Variants in KCNMB4 observed in about 807,000 individuals in gnomAD.
The protein encoded by KCNMB4 is calcium-activated potassium channel subunit beta-4.
Under a neutral mutation model 20.7 loss-of-function variants are expected in KCNMB4, and 3 were observed. The ratio of observed to expected loss-of-function variants is 0.14; its 90% CI spans 0.07 to 0.37. The LOEUF (loss-of-function observed/expected upper bound fraction) is 0.37. Ranked by LOEUF, KCNMB4 falls within the 10% of genes least tolerant of loss-of-function variation. The pLI is 1.00. For missense variants in KCNMB4, 168 were observed against 265.9 expected (o/e 0.63, Z 2.56); for synonymous variants, 110 against 113.4 (o/e 0.97, Z 0.19).
chr12:70,369,458 C>A (rs1883552414), intron 1 of KCNMB4, among the ~76,000 whole-genome samples: 1 of 152,166 alleles, frequency 6.6e-6, no homozygotes, highest in Admixed American at 6.5e-5. Context: ...CCTTACTTTA[C>A]CTCTTTATTG....
At chr12:70,430,356 T>G in intron 2 of KCNMB4, 129 bp from the exon 3 acceptor site, 1 of 950,678 alleles carries the variant, frequency 1.1e-6, no homozygotes, top group African/African-American at 1.7e-5. Context: ...ATACAGTGTT[T>G]ATAGTCAGAG....
At chr12:70,425,978 A>C (rs973890716) in intron 2 of KCNMB4, among the ~76,000 whole-genome samples, 1 of 152,260 alleles carries the variant, frequency 6.6e-6, no homozygotes, top group East Asian at 1.9e-4. Context: ...ATCTCTACAC[A>C]AAAATATGTA....
intron 2 of KCNMB4, among the ~76,000 whole-genome samples, chr12:70,425,501 T>C (rs1869188792): frequency 6.6e-6 from 1 of 152,172 alleles, no homozygotes; most frequent in Non-Finnish European, 1.5e-5. Flanking sequence ...AGATTACATA[T>C]CGTGGTCAGT....
Position 70,432,181 on chromosome 12 carries a change from C to G in KCNMB4, c.*1528C>G, listed in dbSNP as rs1312955255. 6.6e-6 allele frequency: 1 copy of G among 152,402 alleles called. No homozygotes were observed. 9.4% of individuals were successfully genotyped at this position (152,402 alleles called of 1,614,324 possible). A position where few individuals can be genotyped will look rare whatever the true frequency, so the allele number is the denominator to read the frequency against. ...AGTAGCTGGGACTACAGGCACGCAC[C>G]ACCACGCCTGGCTAATTTTTTTGTA... On this transcript the variant is annotated 3_prime_UTR_variant, in exon 3 of 3. Transcript: ENST00000258111.
intron 1 of KCNMB4, among the ~76,000 whole-genome samples, chr12:70,385,855 C>A (rs1294220209): frequency 6.6e-6 from 1 of 152,054 alleles, no homozygotes; most frequent in East Asian, 1.9e-4. Flanking sequence ...AAAAATAGAC[C>A]AATTACCATA....
At chr12:70,399,013 A>G (rs1868388883) in intron 1 of KCNMB4, among the ~76,000 whole-genome samples, 1 of 152,188 alleles carries the variant, frequency 6.6e-6, no homozygotes, top group Admixed American at 6.5e-5. Context: ...AAGGAGAGAG[A>G]ACAGCCTGTG....
At position 70,430,695 on chromosome 12, in the gene KCNMB4, C is replaced by G. The variant is rs749656064; in HGVS notation, c.*42C>G. The G allele has an allele frequency of 1.4e-5, 22 of 1,520,434 alleles. No individual in the cohort carries two copies. The highest frequency in any genetic ancestry group is 1.9e-5 in the Non-Finnish European group (22 of 1,139,736). 94.2% of individuals were successfully genotyped at this position (1,520,434 alleles called of 1,614,324 possible). A position where few individuals can be genotyped will look rare whatever the true frequency, so the allele number is the denominator to read the frequency against. On this transcript the variant is annotated 3_prime_UTR_variant, in exon 3 of 3. Transcript: ENST00000258111. ...TAGAAAGCAAAGTACAGAAGCTGTA[C>G]TCATCGGCACGCGTCCACCTGCGGA...
At chr12:70,420,407 A>T (rs888318422) in intron 2 of KCNMB4, among the ~76,000 whole-genome samples, 1 of 152,142 alleles carries the variant, frequency 6.6e-6, no homozygotes. Flanking sequence ...GATACTTATA[A>T]GGGGGAGATG....
chr12:70,417,762 T>A (rs539592646), intron 2 of KCNMB4, among the ~76,000 whole-genome samples: 1 of 152,334 alleles, frequency 6.6e-6, no homozygotes, highest in East Asian at 1.9e-4. Context: ...GGATTTTCAC[T>A]TTCTTCTTTG....
chr12:70,403,363 C>T (rs545754340), intron 2 of KCNMB4, among the ~76,000 whole-genome samples: 193 of 152,184 alleles, frequency 1.3e-3, no homozygotes, highest in Non-Finnish European at 3.8e-4. Flanking sequence ...GTAGGAGTCT[C>T]GCTCTGTCAC....
chr12:70,415,132 G>A (rs1230940139), intron 2 of KCNMB4, among the ~76,000 whole-genome samples: 3 of 152,084 alleles, frequency 2.0e-5, no homozygotes. Flanking sequence ...CATTGAATCT[G>A]CACAACACCC....
intron 2 of KCNMB4, among the ~76,000 whole-genome samples, chr12:70,407,757 G>A (rs1868651013): frequency 6.6e-6 from 1 of 151,932 alleles, no homozygotes. Flanking sequence ...GTGAGCCACC[G>A]CGCCCAGCCT....
At position 70,432,451 on chromosome 12, in the gene KCNMB4, G is replaced by C. The variant is rs147736586; in HGVS notation, c.*1798G>C. ...ATCTTGCTATGTTGCCCAGGATGGAGTGCAGTAGCTATTCACAGGTATGAT... is the reference window on the plus strand; with the variant it reads ...ATCTTGCTATGTTGCCCAGGATGGACTGCAGTAGCTATTCACAGGTATGAT... On this transcript the variant is annotated 3_prime_UTR_variant, in exon 3 of 3. Transcript: ENST00000258111. The C allele has an allele frequency of 5.3e-5, 8 of 152,258 alleles. No individual in the cohort carries two copies. The highest frequency in any genetic ancestry group is 1.9e-4 in the African/African-American group (8 of 41,514). 9.4% of individuals were successfully genotyped at this position (152,258 alleles called of 1,614,324 possible).
At chr12:70,418,780 C>T (rs1206293285) in intron 2 of KCNMB4, among the ~76,000 whole-genome samples, 1 of 152,104 alleles carries the variant, frequency 6.6e-6, no homozygotes, top group African/African-American at 2.4e-5. Flanking sequence ...TCCTTACCCA[C>T]CTCATTTCCT....
intron 1 of KCNMB4, among the ~76,000 whole-genome samples, chr12:70,392,570 T>G (rs532122238): frequency 6.6e-6 from 1 of 152,282 alleles, no homozygotes; most frequent in Non-Finnish European, 1.5e-5. Flanking sequence ...AGCAAAAACT[T>G]GGAACCAACC....
Position 70,366,598 on chromosome 12 carries a change from C to T in KCNMB4, c.-137C>T. ...CGGCCCCTTTGTTCTCGCGCGCTCC[C>T]CCTCGCCGCCCACTCCCCTGCTGTC... is the stretch of plus-strand genomic sequence containing the variant. On this transcript the variant is annotated 5_prime_UTR_variant, in exon 1 of 3. Transcript: ENST00000258111. 2 of 476,604 alleles carry T rather than the reference C, an allele frequency of 4.2e-6. No homozygotes were observed. The highest frequency in any genetic ancestry group is 6.1e-6 in the Non-Finnish European group (2 of 329,296). The allele number at this position is 476,604 out of a possible 1,614,324, so 29.5% of individuals were successfully genotyped here.
chr12:70,390,030 A>G (rs568167010), intron 1 of KCNMB4, among the ~76,000 whole-genome samples: 1 of 152,314 alleles, frequency 6.6e-6, no homozygotes, highest in East Asian at 1.9e-4. Flanking sequence ...ATATTGTAGG[A>G]CTGTACCTCC....
rs1281154638 is a variant in KCNMB4, at chr12:70,430,627, G to A, written c.607G>A (p.Ala203Thr). ...CAKSLAVKAE[A>T]MKKRKFS is the part of the protein sequence containing the mutation. ...CAAGAGCTTGGCGGTCAAGGCGGAA[G>A]CCATGAAGAAGCGCAAGTTCTCTTA... Residue 203 changes from alanine to threonine, a missense_variant, in exon 3 of 3, where the codon GCC becomes ACC. Ala to Thr is a moderately conservative substitution (Grantham distance 58). Transcript: ENST00000258111. 1.9e-6 allele frequency: 3 copies of A among 1,610,694 alleles called. No homozygotes were observed. The highest frequency in any genetic ancestry group is 1.3e-5 in the African/African-American group (1 of 74,638).
At chr12:70,370,942 C>T (rs1383760550) in intron 1 of KCNMB4, among the ~76,000 whole-genome samples, 3 of 152,186 alleles carry the variant, frequency 2.0e-5, no homozygotes, top group Admixed American at 1.3e-4. Flanking sequence ...CTGCAACTTC[C>T]GCCTCCTGGG....
Sources: allele counts gnomAD v4.1 joint callset (sites outside exome capture counted in the v4.1 genomes callset), GRCh38; gene constraint gnomAD v4.1.1; transcripts MANE v1.5; gene names NCBI Gene and HGNC (gene_info 2026-07-23, HGNC 2026-07-21).